The following DNAJC7 variants were observed in gnomAD, a reference collection of about 807,000 sequenced individuals.
DNAJC7 encodes DnaJ heat shock protein family (Hsp40) member C7.
DNAJC7 carries 18 observed loss-of-function variants against 67.4 expected under a neutral mutation model. That is an observed-to-expected ratio of 0.27 (90% CI 0.18 to 0.40). The LOEUF (loss-of-function observed/expected upper bound fraction) is 0.40, where lower values mean the gene tolerates loss of function less well. Among genes scored for constraint, DNAJC7 ranks in the 10% least tolerant of loss-of-function variants. The probability of loss-of-function intolerance (pLI) is 1.00; values close to 1 mark genes in which losing one functional copy is unlikely to be tolerated. For missense variants in DNAJC7, 419 were observed against 613.8 expected (o/e 0.68, Z 3.35); for synonymous variants, 220 against 207.8 (o/e 1.06, Z -0.50).
At position 41,976,751 on chromosome 17, in the gene DNAJC7, G is replaced by C; in HGVS notation, c.1467C>G (p.Phe489Leu). Reference protein sequence around the residue: ...FSFEASGPGNFFFQFG With the variant: ...FSFEASGPGNLFFQFG The stretch of plus-strand genomic sequence containing the variant: ...CCCTTCATTAGCCAAATTGAAAAAA[G>C]AAATTCCCTGGACCAGATGCTGAAA... The change falls in exon 14 of 14, where the codon TTC (phenylalanine) becomes TTG (leucine). Residue 489 changes from phenylalanine to leucine, a missense_variant. Around this residue, in one of 4 missense-constraint regions of DNAJC7, gnomAD observed 161 missense variants for 252.2 expected, o/e 0.64. Coordinates refer to ENST00000457167, the MANE Select transcript of DNAJC7 (RefSeq NM_003315.4). 1 of 1,611,114 alleles carries C rather than the reference G, an allele frequency of 6.2e-7. No homozygotes were observed. The highest frequency in any genetic ancestry group is 8.5e-7 in the Non-Finnish European group (1 of 1,179,376).
chr17:42,001,594 G>C (rs2051808266), intron 1 of DNAJC7, among the ~76,000 whole-genome samples: 1 of 152,112 alleles, frequency 6.6e-6, no homozygotes, highest in Non-Finnish European at 1.5e-5. Flanking sequence ...CTAAGTACCT[G>C]ATCATTTTTG....
rs1458601368 is a variant in DNAJC7, at chr17:42,007,392, A to G, written c.78-6822T>C. Reference sequence around the variant, plus strand: ...CACAGTCCGAGACCTCTTGTCCCCAATGGCATGTCACAGGGCCTGTTTCAT... The same window carrying G: ...CACAGTCCGAGACCTCTTGTCCCCAGTGGCATGTCACAGGGCCTGTTTCAT... On this transcript the variant is annotated intron_variant, in intron 1 of 13. Coordinates refer to ENST00000457167, the MANE Select transcript of DNAJC7 (RefSeq NM_003315.4). Among the ~76,000 whole-genome samples, 38 of 152,166 alleles carry G rather than the reference A, an allele frequency of 2.5e-4. 1 individual carries two copies. The highest frequency in any genetic ancestry group is 1.9e-3 in the Admixed American group (29 of 15,266).
At chr17:41,983,443 G>A (rs2051301189) in intron 10 of DNAJC7, 120 bp downstream of exon 10, 2 of 892,842 alleles carry the variant, frequency 2.2e-6, no homozygotes, top group Non-Finnish European at 1.7e-6. Context: ...CTTCTTTCTG[G>A]CTGGTGATCA....
intron 1 of DNAJC7, among the ~76,000 whole-genome samples, chr17:42,010,006 G>C (rs1286961327): frequency 6.6e-6 from 1 of 152,104 alleles, no homozygotes; most frequent in Non-Finnish European, 1.5e-5. Context: ...GCTGGGCATG[G>C]TGGCATGCAA....
intron 9 of DNAJC7, 105 bp from the exon 10 acceptor site, chr17:41,983,741 C>G: frequency 1.1e-6 from 1 of 904,908 alleles, no homozygotes; most frequent in South Asian, 2.0e-5. Context: ...ACACACACTT[C>G]TGGTAAGATG....
chr17:42,006,796 C>CAAAAAAA (rs57155070), intron 1 of DNAJC7, among the ~76,000 whole-genome samples: 15,338 of 23,292 alleles, frequency 0.66, 6,958 homozygotes, highest in Non-Finnish European at 0.75. Flanking sequence ...GACTCCGTCT[C>CAAAAAAA]AAAAAAAAAA....
At chr17:41,981,729 G>A (rs2051257277) in intron 12 of DNAJC7, 126 bp downstream of exon 12, 3 of 1,325,580 alleles carry the variant, frequency 2.3e-6, no homozygotes, top group African/African-American at 2.9e-5. Flanking sequence ...TTGACTCCAT[G>A]TCTATTACTG....
chr17:41,987,492 G>A, intron 9 of DNAJC7: 1 of 269,822 alleles, frequency 3.7e-6, no homozygotes, highest in Non-Finnish European at 7.1e-6. Flanking sequence ...CTGTGCCAGG[G>A]TAGAGCATAA....
chr17:42,011,657 G>T (rs1265202389), intron 1 of DNAJC7: 1 of 152,174 alleles, frequency 6.6e-6, no homozygotes, highest in Non-Finnish European at 1.5e-5. Context: ...GGAAAATAGT[G>T]TTTCTCACTG....
At chr17:41,997,054 G>A (rs782780363) in intron 3 of DNAJC7, 61 bp downstream of exon 3, 10 of 1,609,408 alleles carry the variant, frequency 6.2e-6, no homozygotes, top group Non-Finnish European at 8.5e-6. Context: ...AGAAATACGG[G>A]GCTAGAGAAA....
chr17:42,002,574 A>G (rs188018833), intron 1 of DNAJC7, among the ~76,000 whole-genome samples: 234 of 152,298 alleles, frequency 1.5e-3, no homozygotes, highest in Middle Eastern at 0.01. Context: ...TCTATAAAAC[A>G]CAGTCCGGTG....
chr17:41,988,947 C>T, intron 7 of DNAJC7, 51 bp from the exon 8 acceptor site: 1 of 1,593,676 alleles, frequency 6.3e-7, no homozygotes, highest in Non-Finnish European at 8.5e-7. Context: ...AAGCCTCAGA[C>T]CATTGCACAG....
At chr17:42,000,681 AGT>A in intron 1 of DNAJC7, 111 bp from the exon 2 acceptor site, 1 of 723,442 alleles carries the variant, frequency 1.4e-6, no homozygotes, top group Non-Finnish European at 2.2e-6. Context: ...GCTGAAAGTT[AGT>A]GTGATACTTG....
At chr17:42,002,630 G>T (rs548856797) in intron 1 of DNAJC7, among the ~76,000 whole-genome samples, 1 of 152,302 alleles carries the variant, frequency 6.6e-6, no homozygotes, top group Admixed American at 6.5e-5. Flanking sequence ...AGGCCTGGGG[G>T]TTAAATAACT....
At position 42,017,371 on chromosome 17, in the gene DNAJC7, G is replaced by A; in HGVS notation, c.46C>T (p.Pro16Ser). 1 of 1,610,708 alleles carries A rather than the reference G, an allele frequency of 6.2e-7. No homozygotes were observed. The part of the protein sequence containing the change: ...ECDVVMAATE[P>S]ELLDDQEAKR... ...GCCTCTTGGTCGTCGAGCAGCTCCGGCTCGGTCGCCGCCATTACCACATCG... is the reference window on the plus strand; with the variant it reads ...GCCTCTTGGTCGTCGAGCAGCTCCGACTCGGTCGCCGCCATTACCACATCG... The change falls in exon 1 of 14, where the codon CCG (proline) becomes TCG (serine). Residue 16 changes from proline (P) to serine (S), a missense_variant. Physicochemically the swap from Pro to Ser is moderately conservative, Grantham distance 74. Coordinates refer to ENST00000457167, the MANE Select transcript of DNAJC7 (RefSeq NM_003315.4).
intron 1 of DNAJC7, 121 bp from the exon 2 acceptor site, chr17:42,000,691 T>C (rs976147517): frequency 4.5e-6 from 3 of 673,082 alleles, no homozygotes; most frequent in Admixed American, 3.1e-5. Context: ...AGTGTGATAC[T>C]TGAAGGATTT....
At chr17:42,005,990 C>G (rs868994718) in intron 1 of DNAJC7, among the ~76,000 whole-genome samples, 8 of 151,868 alleles carry the variant, frequency 5.3e-5, no homozygotes, top group African/African-American at 1.7e-4. Context: ...GTCACCCAGG[C>G]TAGAGTGCAG....
Position 41,976,489 on chromosome 17 carries a change from A to C in DNAJC7, c.*244T>G. ...TTTTTTTTCTTTTTTAATAAAGTTA[A>C]ACAGTAAAACAAAAATTCACAAGCT... is the stretch of plus-strand genomic sequence containing the variant. On this transcript the variant is annotated 3_prime_UTR_variant, in exon 14 of 14. Transcript: ENST00000457167. 2.0e-6 allele frequency: 1 copy of C among 510,628 alleles called. No individual in the cohort carries two copies. The highest frequency in any genetic ancestry group is 2.7e-5 in the South Asian group (1 of 36,690). The allele number at this position is 510,628 out of a possible 1,614,324, so 31.6% of individuals were successfully genotyped here.
intron 1 of DNAJC7, 57 bp downstream of exon 1, chr17:42,017,283 T>C: frequency 6.2e-7 from 1 of 1,606,918 alleles, no homozygotes; most frequent in Non-Finnish European, 8.5e-7. Flanking sequence ...CAGGAACGAG[T>C]TTCCCTGAGC....
Sources: allele counts gnomAD v4.1 joint callset (sites outside exome capture counted in the v4.1 genomes callset), GRCh38; gene constraint gnomAD v4.1.1; regional missense constraint gnomAD v4.1.1; transcripts MANE v1.5; gene names NCBI Gene and HGNC (gene_info 2026-07-23, HGNC 2026-07-21).